The following MTUS2 variants were observed in gnomAD, a reference collection of about 807,000 sequenced individuals.
MTUS2 encodes the protein microtubule associated scaffold protein 2.
Under a neutral mutation model 114.1 loss-of-function variants are expected in MTUS2, and 40 were observed. That is an observed-to-expected ratio of 0.35 (90% CI 0.27 to 0.46). The LOEUF (loss-of-function observed/expected upper bound fraction) is 0.46, where lower values mean the gene tolerates loss of function less well. MTUS2 is among the 20% of genes least tolerant of loss of function. MTUS2 has a pLI of 1.00. For missense variants in MTUS2, 1,679 were observed against 1,705.4 expected (o/e 0.98, Z 0.27); for synonymous variants, 688 against 672.0 (o/e 1.02, Z -0.37).
At chr13:28,903,990 A>G (rs893693012) in intron 2 of MTUS2, among the ~76,000 whole-genome samples, 2 of 152,070 alleles carry the variant, frequency 1.3e-5, no homozygotes, top group African/African-American at 4.8e-5. Context: ...TGTGGTTTTG[A>G]TTTGCATTTC....
At chr13:28,894,918 G>A (rs1463160545) in intron 2 of MTUS2, among the ~76,000 whole-genome samples, 2 of 152,156 alleles carry the variant, frequency 1.3e-5, no homozygotes, top group African/African-American at 2.4e-5. Context: ...TAATGAATTG[G>A]CTAATTTATG....
At chr13:29,255,472 G>A (rs558487785) in intron 5 of MTUS2, among the ~76,000 whole-genome samples, 2 of 152,260 alleles carry the variant, frequency 1.3e-5, no homozygotes, top group East Asian at 3.9e-4. Flanking sequence ...TGGCTCATTA[G>A]TGGCATTTTT....
intron 2 of MTUS2, among the ~76,000 whole-genome samples, chr13:28,997,545 A>G (rs1057125875): frequency 2.3e-4 from 35 of 152,106 alleles, no homozygotes; most frequent in Non-Finnish European, 4.1e-4. Flanking sequence ...GTAGGTCTCT[A>G]AGGACTTGCT....
intron 2 of MTUS2, among the ~76,000 whole-genome samples, chr13:28,909,096 TG>T (rs1566215513): frequency 6.6e-6 from 1 of 151,588 alleles, no homozygotes; most frequent in East Asian, 1.9e-4. Context: ...ACTGTAGCCT[TG>T]TAGTATAGTT....
intron 9 of MTUS2, among the ~76,000 whole-genome samples, chr13:29,442,537 C>A (rs891946223): frequency 6.6e-6 from 1 of 152,146 alleles, no homozygotes; most frequent in Non-Finnish European, 1.5e-5. Flanking sequence ...CAGCAGCAGC[C>A]AAAACCTCAG....
Position 29,505,266 on chromosome 13 carries a change from A to T in MTUS2, c.*2060A>T. On this transcript the variant is annotated 3_prime_UTR_variant, in exon 16 of 16. Transcript: ENST00000612955. ...TTACATAGCCGCACCTGCTAAATGCAGTTACACAGCAATACTGACTTCCGT... is the reference window on the plus strand; with the variant it reads ...TTACATAGCCGCACCTGCTAAATGCTGTTACACAGCAATACTGACTTCCGT... 4.3e-6 allele frequency: 1 copy of T among 231,724 alleles called. No homozygotes were observed. Among genetic ancestry groups the T allele is most frequent in the Non-Finnish European group, 8.6e-6 (1 of 116,844 alleles). 14.4% of individuals were successfully genotyped at this position (231,724 alleles called of 1,614,324 possible). A position where few individuals can be genotyped will look rare whatever the true frequency, so the allele number is the denominator to read the frequency against.
intron 7 of MTUS2, among the ~76,000 whole-genome samples, chr13:29,339,070 T>TA (rs1319787847): frequency 6.6e-6 from 1 of 152,122 alleles, no homozygotes; most frequent in East Asian, 1.9e-4. Flanking sequence ...GCCCTGACTC[T>TA]AGGCTGGGCT....
At chr13:29,331,699 C>T (rs564829701) in intron 7 of MTUS2, among the ~76,000 whole-genome samples, 68 of 152,288 alleles carry the variant, frequency 4.5e-4, no homozygotes, top group African/African-American at 1.6e-3. Flanking sequence ...GTGGGTTTAT[C>T]ATAAATAGCT....
chr13:28,913,947 T>C (rs1566219442), intron 2 of MTUS2, among the ~76,000 whole-genome samples: 1 of 152,120 alleles, frequency 6.6e-6, no homozygotes, highest in Non-Finnish European at 1.5e-5. Flanking sequence ...TTCTGTGGGG[T>C]CAGTGGTGAT....
chr13:28,945,751 T>C (rs1882491411), intron 2 of MTUS2, among the ~76,000 whole-genome samples: 1 of 152,234 alleles, frequency 6.6e-6, no homozygotes, highest in Non-Finnish European at 1.5e-5. Flanking sequence ...TGTAAATATT[T>C]TTACTTACTC....
chr13:29,405,650 A>C (rs1296820722), intron 8 of MTUS2, among the ~76,000 whole-genome samples: 1 of 152,178 alleles, frequency 6.6e-6, no homozygotes, highest in Non-Finnish European at 1.5e-5. Context: ...GCGAGATGCA[A>C]CACTTGCGAA....
At chr13:29,385,810 G>A (rs528014013) in intron 8 of MTUS2, among the ~76,000 whole-genome samples, 2 of 152,172 alleles carry the variant, frequency 1.3e-5, no homozygotes, top group Non-Finnish European at 2.9e-5. Context: ...AAAATGGAAG[G>A]ACTCCTACCC....
At chr13:29,237,416 C>T (rs1041961536) in intron 5 of MTUS2, among the ~76,000 whole-genome samples, 1 of 152,162 alleles carries the variant, frequency 6.6e-6, no homozygotes, top group African/African-American at 2.4e-5. Context: ...TAGTTTTCTT[C>T]AGCTGATTCC....
chr13:29,117,843 G>A (rs1432809091), intron 5 of MTUS2, among the ~76,000 whole-genome samples: 1 of 152,158 alleles, frequency 6.6e-6, no homozygotes, highest in Non-Finnish European at 1.5e-5. Context: ...CGTGAGGTGT[G>A]CCTGTAAGGT....
At chr13:29,461,564 C>T (rs1056914482) in intron 9 of MTUS2, among the ~76,000 whole-genome samples, 3 of 152,224 alleles carry the variant, frequency 2.0e-5, no homozygotes, top group Non-Finnish European at 2.9e-5. Flanking sequence ...AAGGAATCTT[C>T]TTCCGTTCCA....
intron 5 of MTUS2, among the ~76,000 whole-genome samples, chr13:29,154,765 A>T (rs898452183): frequency 6.6e-6 from 1 of 152,222 alleles, no homozygotes; most frequent in Admixed American, 6.5e-5. Context: ...ATTGGATTTC[A>T]TGTGTTAGCT....
intron 2 of MTUS2, among the ~76,000 whole-genome samples, chr13:28,847,985 C>T (rs1357548000): frequency 6.6e-6 from 1 of 152,168 alleles, no homozygotes; most frequent in Non-Finnish European, 1.5e-5. Flanking sequence ...TGTCATCTGA[C>T]CTCACTATAC....
chr13:29,478,654 G>C (rs1435050789), intron 9 of MTUS2, among the ~76,000 whole-genome samples: 1 of 152,064 alleles, frequency 6.6e-6, no homozygotes, highest in Non-Finnish European at 1.5e-5. Context: ...TTTTTCGCTT[G>C]TAAATTCTCT....
intron 2 of MTUS2, among the ~76,000 whole-genome samples, chr13:29,016,738 A>G (rs948403218): frequency 6.6e-6 from 1 of 152,242 alleles, no homozygotes; most frequent in Non-Finnish European, 1.5e-5. Context: ...ATATATTAGA[A>G]TAAAATGCGA....
Sources: allele counts gnomAD v4.1 joint callset (sites outside exome capture counted in the v4.1 genomes callset), GRCh38; gene constraint gnomAD v4.1.1; transcripts MANE v1.5; gene names NCBI Gene and HGNC (gene_info 2026-07-23, HGNC 2026-07-21).